The following TRPC6 variants were observed in gnomAD, a reference collection of about 807,000 sequenced individuals.
The protein encoded by TRPC6 is transient receptor potential cation channel subfamily C member 6, also known as short transient receptor potential channel 6.
Under a neutral mutation model 90.7 loss-of-function variants are expected in TRPC6, and 55 were observed. That is an observed-to-expected ratio of 0.61 (90% CI 0.49 to 0.76). The LOEUF (loss-of-function observed/expected upper bound fraction) is 0.76, where lower values mean the gene tolerates loss of function less well. TRPC6 is among the 30% of genes least tolerant of loss of function. The pLI, the probability that TRPC6 is intolerant of heterozygous loss-of-function variation, is 0.00. For missense variants in TRPC6, 989 were observed against 1,122.7 expected, an observed-to-expected ratio of 0.88 and a Z score of 1.70; for synonymous variants, 393 against 393.0, an observed-to-expected ratio of 1.00 and a Z score of 0.00.
chr11:101,518,562 G>A (rs1860575790), intron 1 of TRPC6, among the ~76,000 whole-genome samples: 1 of 152,188 alleles, frequency 6.6e-6, no homozygotes, highest in South Asian at 2.1e-4. Context: ...TGGTGAGGAT[G>A]TGAAGAAAAG....
chr11:101,520,543 G>T (rs1860634194), intron 1 of TRPC6, among the ~76,000 whole-genome samples: 2 of 152,208 alleles, frequency 1.3e-5, no homozygotes, highest in Non-Finnish European at 1.5e-5. Flanking sequence ...GGGCTCAGAA[G>T]AAGACAGGAA....
intron 1 of TRPC6, among the ~76,000 whole-genome samples, chr11:101,561,453 C>T (rs1156492527): frequency 6.6e-6 from 1 of 152,098 alleles, no homozygotes; most frequent in Non-Finnish European, 1.5e-5. Context: ...CACTTAGAAG[C>T]CTCTCCATAC....
intron 5 of TRPC6, among the ~76,000 whole-genome samples, chr11:101,481,271 G>A (rs992518873): frequency 2.0e-5 from 3 of 152,078 alleles, no homozygotes; most frequent in African/African-American, 2.4e-5. Flanking sequence ...GAAGCCTGTG[G>A]ATTATTAAAG....
At chr11:101,546,216 C>T (rs938488276) in intron 1 of TRPC6, among the ~76,000 whole-genome samples, 1 of 112,782 alleles carries the variant, frequency 8.9e-6, no homozygotes, top group Admixed American at 9.8e-5. Flanking sequence ...GGACTACAGG[C>T]GCCCGCCACC....
At chr11:101,474,824 C>T (rs183551850) in intron 6 of TRPC6, among the ~76,000 whole-genome samples, 1 of 152,242 alleles carries the variant, frequency 6.6e-6, no homozygotes, top group Non-Finnish European at 1.5e-5. Flanking sequence ...GGACCAATTT[C>T]CATCCCTTAG....
At chr11:101,550,017 T>C (rs1043461275) in intron 1 of TRPC6, among the ~76,000 whole-genome samples, 1 of 151,614 alleles carries the variant, frequency 6.6e-6, no homozygotes, top group African/African-American at 2.4e-5. Flanking sequence ...ACACAGAAAG[T>C]GGAACAGTCT....
chr11:101,490,425 A>G (rs1017238619), intron 3 of TRPC6, among the ~76,000 whole-genome samples: 1 of 152,138 alleles, frequency 6.6e-6, no homozygotes, highest in Non-Finnish European at 1.5e-5. Flanking sequence ...TTATTGGAAA[A>G]ATCTACCTTT....
Position 101,583,555 on chromosome 11 carries a change from C to CAGTT in TRPC6, c.-56_-53dup, listed in dbSNP as rs970454201. ...CCCGCTCCCGGGGGAGCCGAGTGGG[C>CAGTT]AGTTCCAGCGGGGACCCGGTGCGGA... On this transcript the variant is annotated 5_prime_UTR_variant, in exon 1 of 13. Transcript: ENST00000344327. 6 of 1,408,236 alleles carry CAGTT rather than the reference C, an allele frequency of 4.3e-6. No individual in the cohort carries two copies. The Admixed American group carries it at 1.5e-4, about 35-fold the overall frequency. The allele number at this position is 1,408,236 out of a possible 1,614,324, so 87.2% of individuals were successfully genotyped here.
intron 9 of TRPC6, among the ~76,000 whole-genome samples, chr11:101,470,753 TG>T (rs1206600000): frequency 1.3e-5 from 2 of 151,818 alleles, no homozygotes; most frequent in Non-Finnish European, 2.9e-5. Flanking sequence ...TGTGAGCAAC[TG>T]ATTTCTGAAC....
chr11:101,532,338 G>C (rs1860927281), intron 1 of TRPC6, among the ~76,000 whole-genome samples: 1 of 152,162 alleles, frequency 6.6e-6, no homozygotes, highest in Non-Finnish European at 1.5e-5. Flanking sequence ...TGCATATCTG[G>C]TGTCCTAAAG....
chr11:101,535,460 C>T (rs1861023883), intron 1 of TRPC6, among the ~76,000 whole-genome samples: 1 of 150,946 alleles, frequency 6.6e-6, no homozygotes, highest in Non-Finnish European at 1.5e-5. Flanking sequence ...GTCTATTTCT[C>T]TTTCAAACTT....
chr11:101,489,202 A>C, intron 3 of TRPC6, 101 bp from the exon 4 acceptor site: 1 of 1,048,324 alleles, frequency 9.5e-7, no homozygotes, highest in Non-Finnish European at 1.4e-6. Flanking sequence ...AATGAAATAC[A>C]TTGTTAGAAT....
intron 10 of TRPC6, among the ~76,000 whole-genome samples, chr11:101,463,431 T>C (rs1859056312): frequency 6.6e-6 from 1 of 152,212 alleles, no homozygotes; most frequent in Admixed American, 6.5e-5. Context: ...TATGAATCTA[T>C]CTGGTCCTGG....
chr11:101,567,999 A>C (rs1237928275), intron 1 of TRPC6, among the ~76,000 whole-genome samples: 1 of 152,196 alleles, frequency 6.6e-6, no homozygotes, highest in African/African-American at 2.4e-5. Flanking sequence ...CAAGGGAACA[A>C]AACTAGATGG....
rs1239110863 is a variant in TRPC6 at position 101,583,609 on chromosome 11, T to C, written c.-106A>G. The C allele has an allele frequency of 3.1e-6, 4 of 1,276,106 alleles. No individual in the cohort carries two copies. In the East Asian group the frequency reaches 1.2e-4, roughly 37 times the overall value. The allele number at this position is 1,276,106 out of a possible 1,614,324, so 79.0% of individuals were successfully genotyped here. A position where few individuals can be genotyped will look rare whatever the true frequency, so the allele number is the denominator to read the frequency against. On this transcript the variant is annotated 5_prime_UTR_variant, in exon 1 of 13. Coordinates refer to ENST00000344327, the MANE Select transcript of TRPC6 (RefSeq NM_004621.6). ...TTCGCGTCAGCGGCCGAACTGGACC[T>C]GGGCAGACCGGTGCCCAGGGGACGA...
chr11:101,475,864 ATG>A lies in TRPC6; in HGVS notation c.1744+435_1744+436del, dbSNP rs1491562860. ...TGCACATATATATACACACACACAC[ATG>A]TGTGTACATATACATATATACACGT... On this transcript the variant is annotated intron_variant, in intron 6 of 12. Transcript: ENST00000344327. 3.4e-3 allele frequency among the ~76,000 whole-genome samples: 266 copies of A among 77,454 alleles called. 1 individual carries two copies. The highest frequency in any genetic ancestry group is 7.2e-3 in the Middle Eastern group (1 of 138). The allele number at this position is 77,454 out of a possible 152,430, so 50.8% of individuals were successfully genotyped here. A position where few individuals can be genotyped will look rare whatever the true frequency, so the allele number is the denominator to read the frequency against.
intron 1 of TRPC6, among the ~76,000 whole-genome samples, chr11:101,510,581 G>A (rs1388603755): frequency 1.3e-5 from 2 of 152,098 alleles, no homozygotes; most frequent in African/African-American, 4.8e-5. Context: ...TTTACAAGGT[G>A]TTTATCACAA....
chr11:101,453,778 C>T, intron 11 of TRPC6, 53 bp from the exon 12 acceptor site: 2 of 1,546,670 alleles, frequency 1.3e-6, no homozygotes, highest in Non-Finnish European at 1.8e-6. Flanking sequence ...CATGACAAAT[C>T]TCTCATTTGG....
chr11:101,452,270 G>A lies in TRPC6; in HGVS notation c.*685C>T, dbSNP rs1276045822. 6.6e-6 allele frequency: 1 copy of A among 151,640 alleles called. No individual in the cohort carries two copies. The highest frequency in any genetic ancestry group is 2.4e-5 in the African/African-American group (1 of 40,882). The allele number at this position is 151,640 out of a possible 1,614,324, so 9.4% of individuals were successfully genotyped here. A position where few individuals can be genotyped will look rare whatever the true frequency, so the allele number is the denominator to read the frequency against. ...TAGGGCAAGTACTTTATGTCTGTGTGTACACATTTACACACACGCACACAC... is the reference window on the plus strand; with the variant it reads ...TAGGGCAAGTACTTTATGTCTGTGTATACACATTTACACACACGCACACAC... On this transcript the variant is annotated 3_prime_UTR_variant, in exon 13 of 13. Coordinates refer to ENST00000344327, the MANE Select transcript of TRPC6 (RefSeq NM_004621.6).
Sources: gnomAD v4.1 joint callset for allele counts (sites outside exome capture counted in the v4.1 genomes callset) on GRCh38, gnomAD v4.1.1 for gene constraint, MANE v1.5 for transcripts, NCBI Gene and HGNC (gene_info 2026-07-23, HGNC 2026-07-21) for gene names.